FOXO1: variants seen among roughly 807,000 people sequenced by gnomAD.
FOXO1 encodes the protein forkhead box O1.
FOXO1 carries 6 observed loss-of-function variants against 44.1 expected under a neutral mutation model. The ratio of observed to expected loss-of-function variants is 0.14; its 90% CI spans 0.07 to 0.27. FOXO1 has a LOEUF of 0.27. Among genes scored for constraint, FOXO1 ranks in the 10% least tolerant of loss-of-function variants. The probability of loss-of-function intolerance (pLI) is 1.00; values close to 1 mark genes in which losing one functional copy is unlikely to be tolerated. For synonymous variants in FOXO1, 380 were observed against 362.7 expected, an observed-to-expected ratio of 1.05 and a Z score of -0.54; for missense variants, 737 against 888.8, an observed-to-expected ratio of 0.83 and a Z score of 2.17.
At chr13:40,605,066 A>T (rs1314406681) in intron 1 of FOXO1, among the ~76,000 whole-genome samples, 2 of 151,822 alleles carry the variant, frequency 1.3e-5, no homozygotes, top group East Asian at 3.8e-4. Flanking sequence ...ATTTACTTTT[A>T]AAAACCTGAA....
chr13:40,661,623 C>T (rs1878039747), intron 1 of FOXO1, among the ~76,000 whole-genome samples: 1 of 151,768 alleles, frequency 6.6e-6, no homozygotes, highest in South Asian at 2.1e-4. Context: ...AAGGTAATTT[C>T]AGTGACAATC....
At chr13:40,571,422 T>G (rs1874491254) in intron 1 of FOXO1, among the ~76,000 whole-genome samples, 1 of 152,140 alleles carries the variant, frequency 6.6e-6, no homozygotes, top group African/African-American at 2.4e-5. Context: ...GATTTCAAAG[T>G]GGAGCTTGTT....
At chr13:40,607,081 C>T (rs1876026451) in intron 1 of FOXO1, among the ~76,000 whole-genome samples, 1 of 152,186 alleles carries the variant, frequency 6.6e-6, no homozygotes, top group Non-Finnish European at 1.5e-5. Context: ...TGCCCAACTT[C>T]TCCCCACTCC....
At chr13:40,590,497 T>C (rs1278908505) in intron 1 of FOXO1, among the ~76,000 whole-genome samples, 2 of 152,198 alleles carry the variant, frequency 1.3e-5, no homozygotes, top group African/African-American at 2.4e-5. Context: ...AAGTGTTCCA[T>C]CAAGTGGAAC....
At chr13:40,564,943 G>GGGAGTCGGGGAACCCCGACATGGT (rs1874205203) in intron 1 of FOXO1, among the ~76,000 whole-genome samples, 2 of 116,748 alleles carry the variant, frequency 1.7e-5, no homozygotes, top group African/African-American at 8.7e-5. Flanking sequence ...CCACAGATGG[G>GGGAGTCGGGGAACCCCGACATGGT]GGAGTCGGGG....
At chr13:40,646,479 G>A (rs1307703815) in intron 1 of FOXO1, among the ~76,000 whole-genome samples, 1 of 151,980 alleles carries the variant, frequency 6.6e-6, no homozygotes, top group African/African-American at 2.4e-5. Flanking sequence ...CGTGAGCTGC[G>A]CCCAGCCAAC....
intron 1 of FOXO1, among the ~76,000 whole-genome samples, chr13:40,566,621 G>A (rs1191504340): frequency 6.6e-6 from 1 of 152,172 alleles, no homozygotes; most frequent in Non-Finnish European, 1.5e-5. Context: ...CTCGTGATCT[G>A]CCTGCCTCAG....
chr13:40,611,359 T>G (rs1218071729), intron 1 of FOXO1, among the ~76,000 whole-genome samples: 1 of 152,220 alleles, frequency 6.6e-6, no homozygotes, highest in African/African-American at 2.4e-5. Flanking sequence ...ACAGCACCAC[T>G]GTAACCAATA....
chr13:40,565,929 T>C (rs761346767), intron 1 of FOXO1, among the ~76,000 whole-genome samples: 14 of 152,234 alleles, frequency 9.2e-5, no homozygotes, highest in African/African-American at 1.4e-4. Flanking sequence ...ACTGGAAAGA[T>C]TGACTGGTTT....
chr13:40,571,075 T>C (rs977659472), intron 1 of FOXO1, among the ~76,000 whole-genome samples: 1 of 152,126 alleles, frequency 6.6e-6, no homozygotes, highest in Admixed American at 6.5e-5. Context: ...CAAGGCCAGC[T>C]CTCAAATGAA....
chr13:40,582,928 A>T (rs1875011781), intron 1 of FOXO1, among the ~76,000 whole-genome samples: 1 of 152,220 alleles, frequency 6.6e-6, no homozygotes, highest in South Asian at 2.1e-4. Context: ...GAAGATTTTT[A>T]ATTTTACTTT....
chr13:40,576,703 A>C (rs1398179874), intron 1 of FOXO1, among the ~76,000 whole-genome samples: 2 of 152,138 alleles, frequency 1.3e-5, no homozygotes, highest in African/African-American at 4.8e-5. Flanking sequence ...GACTTGAAGG[A>C]TACTTGATTG....
chr13:40,585,294 TCCTCCCCCGCTTTCC>T (rs890454260), intron 1 of FOXO1, among the ~76,000 whole-genome samples: 3 of 151,752 alleles, frequency 2.0e-5, no homozygotes, highest in African/African-American at 7.3e-5. Flanking sequence ...CCTGGAATTT[TCCTCCCCCGCTTTCC>T]CCTTTAGTAT....
intron 1 of FOXO1, among the ~76,000 whole-genome samples, chr13:40,658,694 ATTT>A (rs1877936424): frequency 6.6e-6 from 1 of 152,162 alleles, no homozygotes; most frequent in African/African-American, 2.4e-5. Context: ...ATAAGAAACG[ATTT>A]CTCAAAGCAA....
In FOXO1 at chr13:40,666,236, C is replaced by G; in HGVS notation, c.-24G>C. On this transcript the variant is annotated 5_prime_UTR_variant, in exon 1 of 3. Transcript: ENST00000379561. ...ATGGTGACCCCCGCCCCTCCCCCAG[C>G]CGCAGGAGAGCCAAGAGGGGGAGAA... 3 of 1,377,482 alleles carry G rather than the reference C, an allele frequency of 2.2e-6. No homozygotes were observed. The highest frequency in any genetic ancestry group is 2.8e-6 in the Non-Finnish European group (3 of 1,065,828). 85.3% of individuals were successfully genotyped at this position (1,377,482 alleles called of 1,614,324 possible). A position where few individuals can be genotyped will look rare whatever the true frequency, so the allele number is the denominator to read the frequency against.
intron 1 of FOXO1, among the ~76,000 whole-genome samples, chr13:40,603,770 C>A (rs1875895933): frequency 6.6e-6 from 1 of 152,152 alleles, no homozygotes; most frequent in South Asian, 2.1e-4. Flanking sequence ...TCAAGGGGTT[C>A]AACTTAGTTT....
intron 1 of FOXO1, among the ~76,000 whole-genome samples, chr13:40,659,285 A>G (rs1350691918): frequency 6.9e-6 from 1 of 144,868 alleles, no homozygotes; most frequent in East Asian, 2.1e-4. Flanking sequence ...ACTGCACTCC[A>G]GCCTGGGTGA....
intron 1 of FOXO1, among the ~76,000 whole-genome samples, chr13:40,614,544 TAGA>T (rs375307784): frequency 7.6e-4 from 116 of 152,262 alleles, no homozygotes; most frequent in African/African-American, 2.7e-3. Context: ...AATCTTCACG[TAGA>T]AGATTTTGTT....
chr13:40,573,484 G>T (rs1221172804), intron 1 of FOXO1, among the ~76,000 whole-genome samples: 1 of 152,096 alleles, frequency 6.6e-6, no homozygotes, highest in Non-Finnish European at 1.5e-5. Flanking sequence ...GAGAATGTCA[G>T]GTAGGAAAAA....
Sources: gnomAD v4.1 joint callset for allele counts (sites outside exome capture counted in the v4.1 genomes callset) on GRCh38, gnomAD v4.1.1 for gene constraint, MANE v1.5 for transcripts, NCBI Gene and HGNC (gene_info 2026-07-23, HGNC 2026-07-21) for gene names.